The following NADSYN1 variants were observed in gnomAD, a reference collection of about 807,000 sequenced individuals.
The protein encoded by NADSYN1 is NAD synthetase 1.
In NADSYN1, 80 loss-of-function variants were observed where a neutral mutation model predicts 99.3. The observed-to-expected ratio is 0.81, with a 90% CI of 0.67 to 0.97. NADSYN1 has a LOEUF of 0.97. NADSYN1 is among the 50% of genes least tolerant of loss of function. NADSYN1 has a pLI of 0.00. For missense variants in NADSYN1, 859 were observed against 948.5 expected (o/e 0.91, Z 1.24); for synonymous variants, 385 against 372.1 (o/e 1.03, Z -0.40).
At position 71,478,428 on chromosome 11, in the gene NADSYN1, G is replaced by A. The variant is rs775486610; in HGVS notation, c.832G>A (p.Val278Ile). 3.7e-6 allele frequency: 6 copies of A among 1,609,574 alleles called. No homozygotes were observed. Among genetic ancestry groups the A allele is most frequent in the Non-Finnish European group, 4.2e-6 (5 of 1,178,116 alleles). Residue 278 changes from valine to isoleucine, a missense_variant, in exon 10 of 21, where the codon GTC becomes ATC. By Grantham distance (29) the Val-to-Ile change is conservative (BLOSUM62 3). Coordinates refer to ENST00000319023, the MANE Select transcript of NADSYN1 (RefSeq NM_018161.5). ...VLTATLDLEDVRSYRAEISSR... is the reference protein window; with the variant it reads ...VLTATLDLEDIRSYRAEISSR... Reference sequence around the variant, plus strand: ...GACGGCCACGCTGGATCTGGAGGACGTCCGGAGCTACAGGGCGGAGATTTC... The same window carrying A: ...GACGGCCACGCTGGATCTGGAGGACATCCGGAGCTACAGGGCGGAGATTTC...
At chr11:71,454,195 T>TTATTATTA (rs1204472737) in intron 1 of NADSYN1, among the ~76,000 whole-genome samples, 6 of 152,198 alleles carry the variant, frequency 3.9e-5, no homozygotes, top group Admixed American at 6.5e-5. Flanking sequence ...CTAATCAGTA[T>TTATTATTA]GTGCCCTGGA....
intron 1 of NADSYN1, among the ~76,000 whole-genome samples, chr11:71,454,525 A>G (rs923247237): frequency 2.0e-5 from 3 of 152,114 alleles, no homozygotes; most frequent in African/African-American, 4.8e-5. Context: ...TTTTATTTTT[A>G]TTTTTTAAAT....
chr11:71,455,089 T>G (rs750077255), intron 1 of NADSYN1, 21 bp from the exon 2 acceptor site: 21 of 1,601,330 alleles, frequency 1.3e-5, no homozygotes, highest in Admixed American at 3.4e-5. Flanking sequence ...CTCCATTTTC[T>G]TTTTCTCTCT....
intron 16 of NADSYN1, 57 bp from the exon 17 acceptor site, chr11:71,490,788 G>A: frequency 2.5e-6 from 4 of 1,598,714 alleles, no homozygotes; most frequent in South Asian, 1.1e-5. Flanking sequence ...GGCTGGCCAG[G>A]GTTGATGGAG....
intron 5 of NADSYN1, among the ~76,000 whole-genome samples, chr11:71,464,940 C>G (rs1856682970): frequency 6.6e-6 from 1 of 151,204 alleles, no homozygotes; most frequent in South Asian, 2.1e-4. Context: ...TGCTTAGGTT[C>G]CCTGCCCCCA....
chr11:71,467,412 C>G (rs762701203), intron 5 of NADSYN1, among the ~76,000 whole-genome samples: 2 of 152,052 alleles, frequency 1.3e-5, no homozygotes, highest in Non-Finnish European at 2.9e-5. Flanking sequence ...ATAAAACATA[C>G]AAGGAAATAA....
chr11:71,472,927 T>TAG, intron 6 of NADSYN1, among the ~76,000 whole-genome samples: 1 of 152,368 alleles, frequency 6.6e-6, no homozygotes, highest in South Asian at 2.1e-4. Flanking sequence ...AGTGGGGGCC[T>TAG]AGCTTCATCA....
chr11:71,472,652 T>C lies in NADSYN1; in HGVS notation c.459+152T>C, dbSNP rs1201190513. 3 of 729,624 alleles carry C rather than the reference T, an allele frequency of 4.1e-6. No homozygotes were observed. In the Admixed American group the frequency reaches 7.0e-5, roughly 17 times the overall value. The allele number at this position is 729,624 out of a possible 1,614,324, so 45.2% of individuals were successfully genotyped here. A position where few individuals can be genotyped will look rare whatever the true frequency, so the allele number is the denominator to read the frequency against. ...GAAACAGACAAAGGAGGCAGGTTCCTATAGTGAGGGGGGCTGCGTGGCCAG... is the reference window on the plus strand; with the variant it reads ...GAAACAGACAAAGGAGGCAGGTTCCCATAGTGAGGGGGGCTGCGTGGCCAG... On this transcript the variant is annotated intron_variant, in intron 6 of 20. Transcript: ENST00000319023.
chr11:71,463,338 A>G, intron 3 of NADSYN1, 94 bp from the exon 4 acceptor site: 2 of 1,145,346 alleles, frequency 1.7e-6, no homozygotes, highest in South Asian at 1.3e-5. Flanking sequence ...GTAGTAAAGT[A>G]AAATGCATGA....
At chr11:71,498,703 G>A in intron 20 of NADSYN1, 175 bp downstream of exon 20, 1 of 645,440 alleles carries the variant, frequency 1.5e-6, no homozygotes, top group Non-Finnish European at 2.5e-6. Context: ...CTTTTTTCGT[G>A]TTGACAAATA....
At chr11:71,477,852 C>T (rs969120697) in intron 9 of NADSYN1, among the ~76,000 whole-genome samples, 2 of 152,246 alleles carry the variant, frequency 1.3e-5, no homozygotes, top group Admixed American at 1.3e-4. Flanking sequence ...TGGCCTGTCT[C>T]AGATTGCCTC....
At chr11:71,476,421 T>G (rs760114575) in intron 9 of NADSYN1, 1 of 310,378 alleles carries the variant, frequency 3.2e-6, no homozygotes, top group South Asian at 2.9e-5. Context: ...ATCCTCATGA[T>G]TCTGTCTGGT....
chr11:71,474,939 C>T (rs553365184), intron 9 of NADSYN1: 4 of 277,920 alleles, frequency 1.4e-5, no homozygotes, highest in Admixed American at 4.4e-5. Context: ...TCCCACAGTG[C>T]GGGAGGAGGG....
chr11:71,477,075 C>T (rs1394633546), intron 9 of NADSYN1: 10 of 1,105,906 alleles, frequency 9.0e-6, no homozygotes, highest in Admixed American at 4.8e-5. Context: ...TCTTGTGACA[C>T]GTGGAATCAT....
chr11:71,479,323 T>C (rs1316067108), intron 10 of NADSYN1: 3 of 152,004 alleles, frequency 2.0e-5, no homozygotes, highest in Non-Finnish European at 4.4e-5. Flanking sequence ...CTTGAACTCC[T>C]GGGCTAAAGC....
rs149288155 is a variant in NADSYN1, at chr11:71,473,578, C to T, written c.558C>T (p.Ile186=). Residue 186 remains isoleucine, a synonymous_variant, in exon 8 of 21, where the codon ATC becomes ATT. Transcript: ENST00000319023. ...CTGCCTCTGCCTGCAGCCCGCACAT[C>T]GACATGGGCCTGGATGGCGTGGAGA... ...EELWTPHSPH[I]DMGLDGVEII... 3.7e-5 allele frequency: 60 copies of T among 1,609,828 alleles called. No individual in the cohort carries two copies. The African/African-American group carries it at 6.9e-4, about 19-fold the overall frequency.
Position 71,490,173 on chromosome 11 carries a change from G to A in NADSYN1, c.1563-672G>A, listed in dbSNP as rs186263513. ...CGCCATTTCCAGCCTCTGGAGTCCC[G>A]CCTTCTTTGGCTCACGACGCCTCCT... On this transcript the variant is annotated intron_variant, in intron 16 of 20. Coordinates refer to ENST00000319023, the MANE Select transcript of NADSYN1 (RefSeq NM_018161.5). Among the ~76,000 whole-genome samples, 36 of 152,200 alleles carry A rather than the reference G, an allele frequency of 2.4e-4. No homozygotes were observed. In the East Asian group the frequency reaches 6.8e-3, roughly 29 times the overall value.
At chr11:71,458,902 G>T (rs1028497870) in intron 3 of NADSYN1, 6 of 245,588 alleles carry the variant, frequency 2.4e-5, no homozygotes, top group African/African-American at 1.3e-4. Flanking sequence ...TTGCCACACG[G>T]TTCCCATGTC....
intron 9 of NADSYN1, chr11:71,477,352 G>C: frequency 7.8e-7 from 1 of 1,289,624 alleles, no homozygotes; most frequent in Non-Finnish European, 1.0e-6. Context: ...AAGCTTGGTG[G>C]CCAGGGTGCT....
Sources: allele counts gnomAD v4.1 joint callset (sites outside exome capture counted in the v4.1 genomes callset), GRCh38; gene constraint gnomAD v4.1.1; transcripts MANE v1.5; gene names NCBI Gene and HGNC (gene_info 2026-07-23, HGNC 2026-07-21).